Variants in LDLRAD4 observed in about 807,000 individuals in gnomAD.
LDLRAD4 encodes the protein low density lipoprotein receptor class A domain containing 4, also known as low-density lipoprotein receptor class A domain-containing protein 4.
LDLRAD4 carries 5 observed loss-of-function variants against 17.0 expected under a neutral mutation model. That is an observed-to-expected ratio of 0.29 (90% CI 0.15 to 0.62). The LOEUF (loss-of-function observed/expected upper bound fraction) is 0.62, where lower values mean the gene tolerates loss of function less well. Among genes scored for constraint, LDLRAD4 ranks in the 20% least tolerant of loss-of-function variants. The pLI, the probability that LDLRAD4 is intolerant of heterozygous loss-of-function variation, is 0.84. For missense variants in LDLRAD4, 340 were observed against 424.7 expected, an observed-to-expected ratio of 0.80 and a Z score of 1.75; for synonymous variants, 168 against 171.8, an observed-to-expected ratio of 0.98 and a Z score of 0.17.
intron 2 of LDLRAD4, among the ~76,000 whole-genome samples, chr18:13,399,994 C>T (rs747814047): frequency 1.5e-4 from 23 of 152,304 alleles, no homozygotes; most frequent in Admixed American, 3.3e-4. Flanking sequence ...TGTCGCTGAG[C>T]AGTTTAGACT....
chr18:13,364,465 G>T (rs1008708193), intron 1 of LDLRAD4, among the ~76,000 whole-genome samples: 1 of 152,050 alleles, frequency 6.6e-6, no homozygotes, highest in African/African-American at 2.4e-5. Flanking sequence ...AGCCTCCCGA[G>T]TAGCTGGGAC....
intron 3 of LDLRAD4, chr18:13,612,023 G>A: frequency 1.0e-6 from 1 of 985,520 alleles, no homozygotes; most frequent in African/African-American, 1.7e-5. Context: ...AGAAGCACGC[G>A]AGCCTAACGT....
At chr18:13,349,334 T>C (rs1480095959) in intron 1 of LDLRAD4, among the ~76,000 whole-genome samples, 1 of 152,274 alleles carries the variant, frequency 6.6e-6, no homozygotes, top group Non-Finnish European at 1.5e-5. Flanking sequence ...CTTTGTATAT[T>C]GTGTGTCCAT....
Position 13,594,665 on chromosome 18 carries a change from CAAAAAAAAAA to C in LDLRAD4, c.182-26437_182-26428del, listed in dbSNP as rs56035558. ...TGGGTGACAGAGCAAGATTCCATCTCAAAAAAAAAAAAAAAAAAAAAAAAGAAACAGGAAG... is the reference window on the plus strand; with the variant it reads ...TGGGTGACAGAGCAAGATTCCATCTCAAAAAAAAAAAAAAGAAACAGGAAG... On this transcript the variant is annotated intron_variant, in intron 3 of 5. Coordinates refer to ENST00000359446, the Ensembl canonical transcript of LDLRAD4. Among the ~76,000 whole-genome samples the C allele has an allele frequency of 2.0e-3, 59 of 29,608 alleles. 2 individuals carry two copies. The highest frequency in any genetic ancestry group is 4.5e-3 in the African/African-American group (52 of 11,452). 19.4% of individuals were successfully genotyped at this position (29,608 alleles called of 152,430 possible).
At chr18:13,262,894 T>C (rs2043974284) in intron 1 of LDLRAD4, among the ~76,000 whole-genome samples, 1 of 124,774 alleles carries the variant, frequency 8.0e-6, no homozygotes, top group Admixed American at 8.0e-5. Context: ...GCGTGGGGGC[T>C]GAGTCCCGTG....
intron 3 of LDLRAD4, among the ~76,000 whole-genome samples, chr18:13,586,704 C>T (rs750780580): frequency 8.6e-5 from 13 of 151,908 alleles, no homozygotes; most frequent in Non-Finnish European, 1.6e-4. Context: ...GCCTGGCCAA[C>T]ATGGCAAAAT....
At chr18:13,223,216 G>A (rs1417008932) in intron 1 of LDLRAD4, among the ~76,000 whole-genome samples, 1 of 152,168 alleles carries the variant, frequency 6.6e-6, no homozygotes, top group Non-Finnish European at 1.5e-5. Flanking sequence ...GTTAAGGTAG[G>A]GAAGGGGGTG....
At chr18:13,411,381 A>G (rs964972044) in intron 2 of LDLRAD4, among the ~76,000 whole-genome samples, 2 of 152,208 alleles carry the variant, frequency 1.3e-5, no homozygotes, top group African/African-American at 4.8e-5. Context: ...AGCATTTGCT[A>G]TTAGACTAAT....
intron 3 of LDLRAD4, among the ~76,000 whole-genome samples, chr18:13,571,342 C>T (rs187030121): frequency 1.1e-3 from 175 of 152,326 alleles, no homozygotes; most frequent in Non-Finnish European, 2.1e-3. Context: ...GCTTCCAGTG[C>T]CTCCAAGAAC....
In LDLRAD4 at chr18:13,465,270, G is replaced by A. The variant is rs570095086; in HGVS notation, c.181+26886G>A. Among the ~76,000 whole-genome samples the A allele has an allele frequency of 8.5e-5, 13 of 152,308 alleles. No individual in the cohort carries two copies. In the South Asian group the frequency reaches 1.2e-3, roughly 15 times the overall value. ...TTGAAGTCAGGTTACCAAACAGCAC[G>A]CCCTCTCTTTATTCTCAGGCTGCGT... On this transcript the variant is annotated intron_variant, in intron 3 of 5. Transcript: ENST00000359446.
In LDLRAD4 at chr18:13,625,558, T is replaced by G. The variant is rs1193746307; in HGVS notation, c.336+4287T>G. Among the ~76,000 whole-genome samples, 3 of 152,180 alleles carry G rather than the reference T, an allele frequency of 2.0e-5. No individual in the cohort carries two copies. The South Asian group carries it at 6.2e-4, about 32-fold the overall frequency. ...CTGCTTCTTGCGGAGAGTCCCGTTC[T>G]GAGAAGTGGTGACTGCCCCGCTGCC... is the stretch of plus-strand genomic sequence containing the variant. On this transcript the variant is annotated intron_variant, in intron 4 of 5. Coordinates refer to ENST00000359446, the Ensembl canonical transcript of LDLRAD4.
At chr18:13,450,026 A>G (rs2091696322) in intron 3 of LDLRAD4, among the ~76,000 whole-genome samples, 1 of 152,202 alleles carries the variant, frequency 6.6e-6, no homozygotes, top group Non-Finnish European at 1.5e-5. Context: ...CACATTACCG[A>G]GAGAGTTCGC....
chr18:13,282,725 G>A (rs1370699995), intron 1 of LDLRAD4, among the ~76,000 whole-genome samples: 1 of 152,174 alleles, frequency 6.6e-6, no homozygotes, highest in Non-Finnish European at 1.5e-5. Flanking sequence ...GGCTGTCTGT[G>A]GATCTACCAT....
At chr18:13,388,780 C>T (rs568304609) in intron 2 of LDLRAD4, among the ~76,000 whole-genome samples, 1 of 152,368 alleles carries the variant, frequency 6.6e-6, no homozygotes, top group East Asian at 1.9e-4. Context: ...TGTGGTGCCT[C>T]TCCAAGGAAG....
chr18:13,303,411 GT>G (rs1186259999), intron 1 of LDLRAD4, among the ~76,000 whole-genome samples: 2 of 152,024 alleles, frequency 1.3e-5, no homozygotes, highest in African/African-American at 4.8e-5. Flanking sequence ...ATGCCAGCTA[GT>G]TTTTTTTGTC....
rs1390080244 is a variant in LDLRAD4, at chr18:13,367,048, A to C, written c.-382-20293A>C. Among the ~76,000 whole-genome samples, 2 of 152,074 alleles carry C rather than the reference A, an allele frequency of 1.3e-5. No homozygotes were observed. Among genetic ancestry groups the C allele is most frequent in the African/African-American group, 4.8e-5 (2 of 41,396 alleles). ...ATCCACCAAATGGGCTTTTTACAGG[A>C]AGTACGTTTCAGCATCAGGTCAGTT... On this transcript the variant is annotated intron_variant, in intron 1 of 5. Coordinates refer to ENST00000359446, the Ensembl canonical transcript of LDLRAD4. This position sits in a 1 kb window ranked among gnomAD's most constrained non-coding sequence, Gnocchi z 4.1.
Position 13,440,909 on chromosome 18 carries a change from A to T in LDLRAD4, c.181+2525A>T, listed in dbSNP as rs139740916. On this transcript the variant is annotated intron_variant, in intron 3 of 5. Transcript: ENST00000359446. The surrounding 1 kb of genome is among the most constrained non-coding windows in gnomAD (Gnocchi z 4.4). Reference sequence around the variant, plus strand: ...CCAGTGATCCTGGATGATTCTCCCTATTCTGTCCCCTGGGGAAGGCTGCCA... The same window carrying T: ...CCAGTGATCCTGGATGATTCTCCCTTTTCTGTCCCCTGGGGAAGGCTGCCA... 2.1e-3 allele frequency among the ~76,000 whole-genome samples: 323 copies of T among 152,182 alleles called. No homozygotes were observed. Among genetic ancestry groups the T allele is most frequent in the African/African-American group, 7.5e-3 (313 of 41,538 alleles).
chr18:13,489,303 C>T (rs1042408782), intron 3 of LDLRAD4: 1 of 152,152 alleles, frequency 6.6e-6, no homozygotes, highest in Non-Finnish European at 1.5e-5. Context: ...TATAGGCACA[C>T]ACCACCACAC....
chr18:13,575,966 T>C (rs985769574), intron 3 of LDLRAD4, among the ~76,000 whole-genome samples: 1 of 152,236 alleles, frequency 6.6e-6, no homozygotes, highest in Non-Finnish European at 1.5e-5. Context: ...TTGTAGATTA[T>C]AGATATTAGT....
Sources: allele counts gnomAD v4.1 joint callset (sites outside exome capture counted in the v4.1 genomes callset), GRCh38; gene constraint gnomAD v4.1.1; non-coding constraint Gnocchi (gnomAD v3.1); transcripts MANE v1.5; gene names NCBI Gene and HGNC (gene_info 2026-07-23, HGNC 2026-07-21).